The following DNAH11 variants were observed in gnomAD, a reference collection of about 807,000 sequenced individuals.
DNAH11 encodes the protein dynein axonemal heavy chain 11.
In DNAH11, 442 loss-of-function variants were observed where a neutral mutation model predicts 526.0. The observed-to-expected ratio is 0.84, with a 90% CI of 0.78 to 0.91. The LOEUF (loss-of-function observed/expected upper bound fraction) is 0.91, where lower values mean the gene tolerates loss of function less well. Ranked by LOEUF, DNAH11 falls within the 40% of genes least tolerant of loss-of-function variation. The pLI, the probability that DNAH11 is intolerant of heterozygous loss-of-function variation, is 0.00. For missense variants in DNAH11, 6,989 were observed against 5,448.7 expected, an observed-to-expected ratio of 1.28 and a Z score of -8.90; for synonymous variants, 2,461 against 1,935.9, an observed-to-expected ratio of 1.27 and a Z score of -7.12.
Position 21,617,791 on chromosome 7 carries a change from G to C in DNAH11, c.4254+14G>C. The C allele has an allele frequency of 1.9e-6, 3 of 1,569,374 alleles. No homozygotes were observed. Among genetic ancestry groups the C allele is most frequent in the Non-Finnish European group, 2.6e-6 (3 of 1,160,016 alleles). On this transcript the variant is annotated intron_variant, in intron 23 of 81. Coordinates refer to ENST00000409508, the MANE Select transcript of DNAH11 (RefSeq NM_001277115.2). Reference sequence around the variant, plus strand: ...AAAGCTATTGGGGTCAGTATCCTTGGTCTCACTAATGAACCTTTTTATGAC... The same window carrying C: ...AAAGCTATTGGGGTCAGTATCCTTGCTCTCACTAATGAACCTTTTTATGAC...
intron 2 of DNAH11, among the ~76,000 whole-genome samples, chr7:21,555,822 A>T (rs1369361833): frequency 1.3e-5 from 2 of 152,098 alleles, no homozygotes; most frequent in Non-Finnish European, 2.9e-5. Context: ...ATTTTGTGGG[A>T]CGTGTTTCTG....
intron 76 of DNAH11, among the ~76,000 whole-genome samples, chr7:21,890,566 A>G (rs1446259678): frequency 6.6e-6 from 1 of 152,166 alleles, no homozygotes; most frequent in Non-Finnish European, 1.5e-5. Context: ...AAGACCAACT[A>G]CTTGTTTTAG....
chr7:21,700,789 A>G (rs929424620), intron 36 of DNAH11, among the ~76,000 whole-genome samples: 2 of 152,206 alleles, frequency 1.3e-5, no homozygotes, highest in African/African-American at 4.8e-5. Flanking sequence ...ATGAAAAAGG[A>G]TGAGTTCATG....
chr7:21,865,505 TG>T (rs1275236367), intron 70 of DNAH11, among the ~76,000 whole-genome samples: 1 of 151,968 alleles, frequency 6.6e-6, no homozygotes, highest in Non-Finnish European at 1.5e-5. Flanking sequence ...AACCAGGGGA[TG>T]GGGAAGGAAA....
rs2128453136 is a variant in DNAH11, at chr7:21,617,739, A to G, written c.4216A>G (p.Arg1406Gly). 1 of 1,608,608 alleles carries G rather than the reference A, an allele frequency of 6.2e-7. No homozygotes were observed. The highest frequency in any genetic ancestry group is 8.5e-7 in the Non-Finnish European group (1 of 1,177,752). Residue 1406 changes from arginine to glycine, a missense_variant, in exon 23 of 82, where the codon AGG (arginine) becomes GGG (glycine). Physicochemically the swap from Arg to Gly is moderately radical, Grantham distance 125 (BLOSUM62 -2). Coordinates refer to ENST00000409508, the MANE Select transcript of DNAH11 (RefSeq NM_001277115.2). ...AITELQSPAL[R>G]DRHWHQLMKA... The stretch of plus-strand genomic sequence containing the variant: ...CACAGAGTTACAGAGCCCTGCCCTC[A>G]GGGACAGGCATTGGCACCAGCTGAT...
intron 30 of DNAH11, among the ~76,000 whole-genome samples, chr7:21,665,616 T>A (rs2128467759): frequency 6.6e-6 from 1 of 152,274 alleles, no homozygotes; most frequent in African/African-American, 2.4e-5. Flanking sequence ...TTAATGGAAT[T>A]TAGTGTTCTT....
chr7:21,789,532 G>A (rs148361364), intron 61 of DNAH11, among the ~76,000 whole-genome samples, 190 bp downstream of exon 61: 1 of 152,108 alleles, frequency 6.6e-6, no homozygotes, highest in East Asian at 2.0e-4. Flanking sequence ...ATGCTGAACT[G>A]GGAAAGTGCA....
intron 71 of DNAH11, 109 bp downstream of exon 71, chr7:21,866,772 A>T (rs1783298987): frequency 1.7e-6 from 2 of 1,192,336 alleles, no homozygotes; most frequent in Non-Finnish European, 2.3e-6. Flanking sequence ...TTTGATGGGG[A>T]GTGATTCTGC....
At chr7:21,644,549 A>G (rs867581993) in intron 28 of DNAH11, among the ~76,000 whole-genome samples, 2 of 152,210 alleles carry the variant, frequency 1.3e-5, no homozygotes, top group African/African-American at 2.4e-5. Context: ...GATAAGACGT[A>G]TCTAATGTGG....
At chr7:21,574,894 T>G (rs1313264888) in intron 8 of DNAH11, among the ~76,000 whole-genome samples, 16 of 98,078 alleles carry the variant, frequency 1.6e-4, no homozygotes, top group African/African-American at 5.5e-4. Context: ...TTTTTTTTTT[T>G]GAGACAGTTT....
intron 8 of DNAH11, among the ~76,000 whole-genome samples, chr7:21,575,181 C>A (rs545496301): frequency 3.3e-5 from 5 of 152,208 alleles, no homozygotes; most frequent in African/African-American, 1.2e-4. Flanking sequence ...CCAGCCCCTG[C>A]ATTCTTTTCA....
intron 43 of DNAH11, among the ~76,000 whole-genome samples, chr7:21,719,092 G>C (rs1246657391): frequency 2.6e-5 from 4 of 152,110 alleles, no homozygotes; most frequent in African/African-American, 7.2e-5. Context: ...CCATTCAAGA[G>C]TAGTGTGAAA....
intron 2 of DNAH11, among the ~76,000 whole-genome samples, chr7:21,548,723 T>TG (rs1782903570): frequency 6.6e-6 from 1 of 152,006 alleles, no homozygotes; most frequent in Non-Finnish European, 1.5e-5. Flanking sequence ...GACTCACTCG[T>TG]GATGTTTAGG....
chr7:21,716,246 A>C (rs1784657821), intron 42 of DNAH11, among the ~76,000 whole-genome samples: 1 of 152,132 alleles, frequency 6.6e-6, no homozygotes. Flanking sequence ...ATAGGACGCT[A>C]CTGCCTTTAG....
chr7:21,545,274 T>TAAAAAA (rs10634177), intron 2 of DNAH11, 125 bp downstream of exon 2: 7,186 of 130,970 alleles, frequency 0.055, 444 homozygotes, highest in Admixed American at 0.15. Context: ...TGGGGGTGGT[T>TAAAAAA]AAAAAAAAAA....
chr7:21,850,509 C>T (rs1232926826), intron 66 of DNAH11, among the ~76,000 whole-genome samples: 1 of 151,130 alleles, frequency 6.6e-6, no homozygotes, highest in African/African-American at 2.4e-5. Context: ...CCATTAAACC[C>T]GTTAGCACAT....
rs969880614 is a variant in DNAH11, at chr7:21,726,001, T to C, written c.7440+17T>C. The C allele has an allele frequency of 2.0e-6, 3 of 1,529,190 alleles. No homozygotes were observed. The highest frequency in any genetic ancestry group is 2.2e-5 in the Admixed American group (1 of 45,724). The allele number at this position is 1,529,190 out of a possible 1,614,324, so 94.7% of individuals were successfully genotyped here. A position where few individuals can be genotyped will look rare whatever the true frequency, so the allele number is the denominator to read the frequency against. ...CCTCTGCAGGTAGGTGTGTGGAACA[T>C]AGCAATTGTATTAGTCTGTTTTCAT... is the stretch of plus-strand genomic sequence containing the variant. On this transcript the variant is annotated intron_variant, in intron 45 of 81. Transcript: ENST00000409508.
intron 60 of DNAH11, 54 bp downstream of exon 60, chr7:21,787,637 A>G: frequency 2.8e-6 from 4 of 1,452,914 alleles, no homozygotes; most frequent in Non-Finnish European, 3.7e-6. Flanking sequence ...GGCTGCAAAC[A>G]CATCAATTTC....
intron 81 of DNAH11, 161 bp from the exon 82 acceptor site, chr7:21,900,846 C>CTTT (rs1311370826): frequency 1.6e-6 from 2 of 1,222,548 alleles, no homozygotes; most frequent in Non-Finnish European, 1.1e-6. Context: ...GGTAACCTAC[C>CTTT]TTTCAAAGCT....
Sources: gnomAD v4.1 joint callset for allele counts (sites outside exome capture counted in the v4.1 genomes callset) on GRCh38, gnomAD v4.1.1 for gene constraint, MANE v1.5 for transcripts, NCBI Gene and HGNC (gene_info 2026-07-23, HGNC 2026-07-21) for gene names.